The following AFF3 variants were observed in gnomAD, a reference collection of about 807,000 sequenced individuals.
AFF3 encodes ALF transcription elongation factor 3, also known as AF4/FMR2 family member 3.
AFF3 carries 32 observed loss-of-function variants against 129.7 expected under a neutral mutation model. The observed-to-expected ratio is 0.25, with a 90% CI of 0.19 to 0.33. The LOEUF (loss-of-function observed/expected upper bound fraction) is 0.33. Ranked by LOEUF, AFF3 falls within the 10% of genes least tolerant of loss-of-function variation. AFF3 has a pLI of 1.00. For synonymous variants in AFF3, 644 were observed against 635.4 expected (o/e 1.01, Z -0.20); for missense variants, 1,373 against 1,592.0 (o/e 0.86, Z 2.34).
At chr2:99,615,622 C>T (rs1268189539) in intron 13 of AFF3, among the ~76,000 whole-genome samples, 2 of 152,222 alleles carry the variant, frequency 1.3e-5, no homozygotes, top group African/African-American at 2.4e-5. Context: ...GAGCTGAAAG[C>T]GTGGATGGAG....
chr2:99,816,238 T>C (rs1687223149), intron 8 of AFF3, among the ~76,000 whole-genome samples: 1 of 152,218 alleles, frequency 6.6e-6, no homozygotes, highest in East Asian at 1.9e-4. Flanking sequence ...ACATGGCCTA[T>C]ATAATCTTGC....
At chr2:99,948,407 C>T (rs1251982045) in intron 7 of AFF3, among the ~76,000 whole-genome samples, 4 of 152,198 alleles carry the variant, frequency 2.6e-5, no homozygotes, top group African/African-American at 4.8e-5. Context: ...TGCCCCATTA[C>T]ACGTTTTAAT....
intron 8 of AFF3, among the ~76,000 whole-genome samples, chr2:99,768,046 T>C (rs1233896188): frequency 1.3e-5 from 2 of 152,206 alleles, no homozygotes; most frequent in African/African-American, 4.8e-5. Context: ...TAACCTTCCT[T>C]AATTGTTGTG....
chr2:100,137,508 C>G (rs1055044055), intron 1 of AFF3, among the ~76,000 whole-genome samples: 1 of 151,474 alleles, frequency 6.6e-6, no homozygotes, highest in Non-Finnish European at 1.5e-5. Flanking sequence ...GTGCCTGGTG[C>G]GTGCATGTGT....
intron 7 of AFF3, among the ~76,000 whole-genome samples, chr2:99,869,607 C>A (rs1691712495): frequency 6.6e-6 from 1 of 152,176 alleles, no homozygotes; most frequent in South Asian, 2.1e-4. Context: ...CCATTTATCT[C>A]CAGCCCAGTA....
chr2:99,999,289 G>A (rs927666249), intron 7 of AFF3, among the ~76,000 whole-genome samples: 1 of 152,194 alleles, frequency 6.6e-6, no homozygotes, highest in Admixed American at 6.5e-5. Context: ...TGTTGGAAGT[G>A]TTTGGCTCCT....
chr2:100,042,207 A>C (rs1685491718), intron 4 of AFF3, among the ~76,000 whole-genome samples: 1 of 151,008 alleles, frequency 6.6e-6, no homozygotes, highest in African/African-American at 2.4e-5. Flanking sequence ...TTCTCCCGAA[A>C]CCTCCGTGCA....
chr2:99,957,578 G>C (rs1321028682), intron 7 of AFF3, among the ~76,000 whole-genome samples: 1 of 152,164 alleles, frequency 6.6e-6, no homozygotes, highest in Non-Finnish European at 1.5e-5. Flanking sequence ...CACTCACGAG[G>C]CAGCACAGTC....
At chr2:99,618,041 T>C (rs1281454979) in intron 13 of AFF3, among the ~76,000 whole-genome samples, 4 of 152,096 alleles carry the variant, frequency 2.6e-5, no homozygotes, top group Admixed American at 2.6e-4. Context: ...TGAGGCAGGA[T>C]GGTGCATAGT....
intron 7 of AFF3, among the ~76,000 whole-genome samples, chr2:99,838,030 C>T (rs887298706): frequency 6.6e-6 from 1 of 152,066 alleles, no homozygotes; most frequent in African/African-American, 2.4e-5. Flanking sequence ...ACTGAAAGAC[C>T]AAAAAGAGAA....
At chr2:100,060,108 T>C (rs1416383766) in intron 4 of AFF3, among the ~76,000 whole-genome samples, 2 of 152,132 alleles carry the variant, frequency 1.3e-5, no homozygotes, top group African/African-American at 4.8e-5. Context: ...CATCCTCCTT[T>C]GGTTCAACCC....
At chr2:100,070,682 A>G (rs1474833256) in intron 4 of AFF3, among the ~76,000 whole-genome samples, 1 of 152,168 alleles carries the variant, frequency 6.6e-6, no homozygotes, top group Non-Finnish European at 1.5e-5. Flanking sequence ...CATTAGCTTC[A>G]TTTCCAACTG....
At chr2:99,803,998 A>G (rs1686153243) in intron 8 of AFF3, among the ~76,000 whole-genome samples, 1 of 152,194 alleles carries the variant, frequency 6.6e-6, no homozygotes, top group Non-Finnish European at 1.5e-5. Flanking sequence ...AAACCTAGGA[A>G]AAACACTGCT....
rs542593365 is a variant in AFF3, at chr2:99,603,086, C to T, written c.1185-1465G>A. ...TCTTCAGCAGCAGACAACATCTGCA[C>T]ATTTATGCCTTGCCTGAGCTGCAGC... On this transcript the variant is annotated intron_variant, in intron 13 of 24. Transcript: ENST00000672756. Among the ~76,000 whole-genome samples, 4 of 152,320 alleles carry T rather than the reference C, an allele frequency of 2.6e-5. No individual in the cohort carries two copies. In the East Asian group the frequency reaches 7.7e-4, roughly 29 times the overall value.
rs762616931 is a variant in AFF3 at position 100,126,095 on chromosome 2, C to T, written c.-145+3129G>A. Among the ~76,000 whole-genome samples, 45 of 152,132 alleles carry T rather than the reference C, an allele frequency of 3.0e-4. 1 individual carries two copies. Among genetic ancestry groups the T allele is most frequent in the Non-Finnish European group, 1.5e-5 (1 of 68,026 alleles). On this transcript the variant is annotated intron_variant, in intron 2 of 24. Coordinates refer to ENST00000672756, the MANE Select transcript of AFF3 (RefSeq NM_001386135.1). Reference sequence around the variant, plus strand: ...CTATTAGATAACTGAATAAATAGAGCGTGGCCAACTTCTCACACCCATCCT... The same window carrying T: ...CTATTAGATAACTGAATAAATAGAGTGTGGCCAACTTCTCACACCCATCCT...
At chr2:99,933,847 A>C (rs1399354187) in intron 7 of AFF3, among the ~76,000 whole-genome samples, 1 of 152,182 alleles carries the variant, frequency 6.6e-6, no homozygotes, top group African/African-American at 2.4e-5. Context: ...ACGAGACTTG[A>C]CATCTGGTAG....
chr2:99,908,778 C>T (rs1258585520), intron 7 of AFF3, among the ~76,000 whole-genome samples: 1 of 152,164 alleles, frequency 6.6e-6, no homozygotes, highest in Non-Finnish European at 1.5e-5. Context: ...CAATGAGATA[C>T]CATCTCACAC....
Position 99,909,208 on chromosome 2 carries a change from C to G in AFF3, c.874-71684G>C, listed in dbSNP as rs562994914. On this transcript the variant is annotated intron_variant, in intron 7 of 24. Transcript: ENST00000672756. ...GTAGGGACACGGATGAAGCTGGAAA[C>G]CATCATTCTCAGCAAACTATCGCAA... 9.3e-3 allele frequency among the ~76,000 whole-genome samples: 1,413 copies of G among 151,784 alleles called. 9 individuals carry two copies. Among genetic ancestry groups the G allele is most frequent in the Non-Finnish European group, 0.016 (1,095 of 67,950 alleles).
chr2:99,876,372 C>T (rs753140197), intron 7 of AFF3, among the ~76,000 whole-genome samples: 2 of 152,188 alleles, frequency 1.3e-5, no homozygotes, highest in African/African-American at 4.8e-5. Context: ...CCATCCTTCC[C>T]GCCTCAGGGA....
Sources: allele counts gnomAD v4.1 joint callset (sites outside exome capture counted in the v4.1 genomes callset), GRCh38; gene constraint gnomAD v4.1.1; transcripts MANE v1.5; gene names NCBI Gene and HGNC (gene_info 2026-07-23, HGNC 2026-07-21).